ARAP1: variants seen among roughly 807,000 people sequenced by gnomAD.
ARAP1 encodes the protein ArfGAP with RhoGAP domain, ankyrin repeat and PH domain 1.
ARAP1 carries 76 observed loss-of-function variants against 172.2 expected under a neutral mutation model. The observed-to-expected ratio is 0.44, with a 90% CI of 0.37 to 0.53. The LOEUF is 0.53. Among genes scored for constraint, ARAP1 ranks in the 20% least tolerant of loss-of-function variants. The probability of loss-of-function intolerance (pLI) is 0.00; values close to 1 mark genes in which losing one functional copy is unlikely to be tolerated. For synonymous variants in ARAP1, 804 were observed against 803.3 expected (o/e 1.00, Z -0.01); for missense variants, 1,686 against 1,977.5 (o/e 0.85, Z 2.80).
Position 72,695,958 on chromosome 11 carries a change from G to T in ARAP1, c.3273-93C>A. ...TTTCTGACAGGTCCAAGACTGGTCTGGTCAGAGGGGACCACTGTTTAACAG... is the reference window on the plus strand; with the variant it reads ...TTTCTGACAGGTCCAAGACTGGTCTTGTCAGAGGGGACCACTGTTTAACAG... On this transcript the variant is annotated intron_variant, in intron 23 of 34. Coordinates refer to ENST00000393609, the MANE Select transcript of ARAP1 (RefSeq NM_001040118.3). This position sits in a 1 kb window ranked among gnomAD's most constrained non-coding sequence, Gnocchi z 4.4. The T allele has an allele frequency of 7.0e-7, 1 of 1,429,276 alleles. No homozygotes were observed. Among genetic ancestry groups the T allele is most frequent in the South Asian group, 1.4e-5 (1 of 70,994 alleles). The allele number at this position is 1,429,276 out of a possible 1,614,324, so 88.5% of individuals were successfully genotyped here. A position where few individuals can be genotyped will look rare whatever the true frequency, so the allele number is the denominator to read the frequency against.
chr11:72,709,796 C>T (rs1856927719), intron 11 of ARAP1, 74 bp downstream of exon 11: 2 of 1,517,666 alleles, frequency 1.3e-6, no homozygotes, highest in Non-Finnish European at 1.8e-6. Flanking sequence ...GAAGGGGCAG[C>T]TTCCCACGTC....
chr11:72,729,443 A>G (rs1029777699), intron 2 of ARAP1, among the ~76,000 whole-genome samples: 2 of 152,136 alleles, frequency 1.3e-5, no homozygotes, highest in African/African-American at 4.8e-5. Context: ...AATACAAAAA[A>G]TTAGCCGGGC....
intron 1 of ARAP1, among the ~76,000 whole-genome samples, chr11:72,745,762 C>A (rs1858347550): frequency 6.6e-6 from 1 of 152,098 alleles, no homozygotes; most frequent in East Asian, 1.9e-4. Context: ...GGACCAGGGG[C>A]CACACCTGGA....
Position 72,699,633 on chromosome 11 carries a change from G to T in ARAP1, c.2303-81C>A. ...ACCTCTGCATCCTCCCGGGGCTCCT[G>T]CTCCCATCTGACCCATGAGCTCTTC... is the stretch of plus-strand genomic sequence containing the variant. On this transcript the variant is annotated intron_variant, in intron 16 of 34. Coordinates refer to ENST00000393609, the MANE Select transcript of ARAP1 (RefSeq NM_001040118.3). This position sits in a 1 kb window ranked among gnomAD's most constrained non-coding sequence, Gnocchi z 4.2. The T allele has an allele frequency of 6.6e-7, 1 of 1,519,532 alleles. No individual in the cohort carries two copies. Among genetic ancestry groups the T allele is most frequent in the South Asian group, 1.2e-5 (1 of 81,394 alleles). 94.1% of individuals were successfully genotyped at this position (1,519,532 alleles called of 1,614,324 possible). A position where few individuals can be genotyped will look rare whatever the true frequency, so the allele number is the denominator to read the frequency against.
At chr11:72,730,212 AT>A (rs1239471018) in intron 2 of ARAP1, among the ~76,000 whole-genome samples, 2 of 152,250 alleles carry the variant, frequency 1.3e-5, no homozygotes, top group Non-Finnish European at 2.9e-5. Flanking sequence ...GAATGAAAAA[AT>A]TTACAAAAAG....
chr11:72,713,280 G>C (rs1203846793), intron 4 of ARAP1, 37 bp from the exon 5 acceptor site: 3 of 1,596,572 alleles, frequency 1.9e-6, no homozygotes, highest in Admixed American at 1.7e-5. Context: ...CAGGGCAAGG[G>C]GCCTGGCCTC....
In ARAP1 at chr11:72,712,468, T is replaced by TCATCCC. The variant is rs1384622740; in HGVS notation, c.847_848insGGGATG (p.Glu282_Glu283insGlyAsp). On this transcript the variant is annotated inframe_insertion, in exon 6 of 35. Coordinates refer to ENST00000393609, the MANE Select transcript of ARAP1 (RefSeq NM_001040118.3). Reference sequence around the variant, plus strand: ...GACGCCCTCATAGGCGTGGTCATCCTCTTCCTCATCCCCTTGGTCGTCCCC... The same window carrying TCATCCC: ...GACGCCCTCATAGGCGTGGTCATCCTCATCCCCTTCCTCATCCCCTTGGTCGTCCCC... The TCATCCC allele has an allele frequency of 3.1e-6, 5 of 1,604,176 alleles. No homozygotes were observed. Among genetic ancestry groups the TCATCCC allele is most frequent in the Non-Finnish European group, 3.4e-6 (4 of 1,172,800 alleles).
At chr11:72,687,045 G>A (rs933294071) in intron 33 of ARAP1, among the ~76,000 whole-genome samples, 6 of 152,214 alleles carry the variant, frequency 3.9e-5, no homozygotes, top group South Asian at 2.1e-4. Flanking sequence ...TGCCTAAACC[G>A]TTCCCTCTGC....
Position 72,695,517 on chromosome 11 carries a change from C to T in ARAP1, c.3507+25G>A, listed in dbSNP as rs1180689757. On this transcript the variant is annotated intron_variant, in intron 25 of 34. Transcript: ENST00000393609. This position sits in a 1 kb window ranked among gnomAD's most constrained non-coding sequence, Gnocchi z 4.4. ...ATGGGTGCAGGTGGCAGGTCCAAGC[C>T]CCCCACCCAGGCTCCAGCCTTCACC... is the stretch of plus-strand genomic sequence containing the variant. 1 of 1,614,022 alleles carries T rather than the reference C, an allele frequency of 6.2e-7. No homozygotes were observed. The highest frequency in any genetic ancestry group is 8.5e-7 in the Non-Finnish European group (1 of 1,180,044).
At chr11:72,714,605 C>A (rs974498874) in intron 3 of ARAP1, among the ~76,000 whole-genome samples, 1 of 152,134 alleles carries the variant, frequency 6.6e-6, no homozygotes, top group Non-Finnish European at 1.5e-5. Context: ...GGTCTCCACA[C>A]TGAAGGAGGG....
In ARAP1 at chr11:72,712,711, C is replaced by A. The variant is rs774977406; in HGVS notation, c.748-143G>T. 4.0e-5 allele frequency: 55 copies of A among 1,380,548 alleles called. No homozygotes were observed. The Admixed American group carries it at 4.9e-4, about 12-fold the overall frequency. The allele number at this position is 1,380,548 out of a possible 1,614,324, so 85.5% of individuals were successfully genotyped here. ...GTTCTGTTTCCTCACACTCCCCTCCCCCTGCCAGCGGAGACCACACAGAGA... is the reference window on the plus strand; with the variant it reads ...GTTCTGTTTCCTCACACTCCCCTCCACCTGCCAGCGGAGACCACACAGAGA... On this transcript the variant is annotated intron_variant, in intron 5 of 34. Coordinates refer to ENST00000393609, the MANE Select transcript of ARAP1 (RefSeq NM_001040118.3).
chr11:72,751,255 C>G (rs1449758725), intron 1 of ARAP1, among the ~76,000 whole-genome samples: 2 of 152,168 alleles, frequency 1.3e-5, no homozygotes, highest in Non-Finnish European at 2.9e-5. Context: ...CTCTACACCT[C>G]TGCCAGCCAC....
At chr11:72,724,002 G>C (rs1043056834) in intron 3 of ARAP1, among the ~76,000 whole-genome samples, 1 of 152,082 alleles carries the variant, frequency 6.6e-6, no homozygotes, top group Non-Finnish European at 1.5e-5. Flanking sequence ...ACACTGTTGG[G>C]GTCTCCACCA....
At chr11:72,742,310 T>G (rs1229543213) in intron 1 of ARAP1, among the ~76,000 whole-genome samples, 1 of 152,126 alleles carries the variant, frequency 6.6e-6, no homozygotes, top group Non-Finnish European at 1.5e-5. Flanking sequence ...ATGCAGTGCT[T>G]ACCGTCTACC....
intron 2 of ARAP1, among the ~76,000 whole-genome samples, chr11:72,729,503 T>C (rs1265913637): frequency 6.6e-6 from 1 of 151,942 alleles, no homozygotes; most frequent in South Asian, 2.1e-4. Flanking sequence ...TAAGGCAGAA[T>C]TGCTTGAACC....
rs1858201082 is a variant in ARAP1, at chr11:72,741,614, G to A, written c.-127-9017C>T. ...CTCCTGTGACCACTGCCCCCAGCGG[G>A]AGCAGGAGGGGGACTCCGAACACCA... is the stretch of plus-strand genomic sequence containing the variant. On this transcript the variant is annotated intron_variant, in intron 1 of 34. Coordinates refer to ENST00000393609, the MANE Select transcript of ARAP1 (RefSeq NM_001040118.3). This position sits in a 1 kb window ranked among gnomAD's most constrained non-coding sequence, Gnocchi z 4.5. Among the ~76,000 whole-genome samples, 1 of 152,194 alleles carries A rather than the reference G, an allele frequency of 6.6e-6. No individual in the cohort carries two copies. Among genetic ancestry groups the A allele is most frequent in the African/African-American group, 2.4e-5 (1 of 41,436 alleles).
intron 1 of ARAP1, among the ~76,000 whole-genome samples, chr11:72,748,006 A>G (rs1013938946): frequency 3.3e-5 from 5 of 152,238 alleles, no homozygotes; most frequent in African/African-American, 1.2e-4. Flanking sequence ...AGCAATGGAA[A>G]TGTAGATTCC....
intron 2 of ARAP1, among the ~76,000 whole-genome samples, chr11:72,731,751 A>T (rs1201442553): frequency 2.6e-5 from 4 of 152,118 alleles, no homozygotes; most frequent in Non-Finnish European, 5.9e-5. Context: ...TGCACCTCAA[A>T]CTCCAGCTTC....
rs56115201 is a variant in ARAP1, at chr11:72,715,570, C to CTTT, written c.510-1252_510-1250dup. ...GGAATATCCACTAGTTTTTTAACTT[C>CTTT]TTTTTTTTTTTTTTTTTTAAGAGAC... is the stretch of plus-strand genomic sequence containing the variant. On this transcript the variant is annotated intron_variant, in intron 3 of 34. Coordinates refer to ENST00000393609, the MANE Select transcript of ARAP1 (RefSeq NM_001040118.3). Among the ~76,000 whole-genome samples, 73 of 135,816 alleles carry CTTT rather than the reference C, an allele frequency of 5.4e-4. 1 individual carries two copies. Among genetic ancestry groups the CTTT allele is most frequent in the Middle Eastern group, 3.9e-3 (1 of 256 alleles). 89.1% of individuals were successfully genotyped at this position (135,816 alleles called of 152,430 possible). A position where few individuals can be genotyped will look rare whatever the true frequency, so the allele number is the denominator to read the frequency against.
Sources: gnomAD v4.1 joint callset for allele counts (sites outside exome capture counted in the v4.1 genomes callset) on GRCh38, gnomAD v4.1.1 for gene constraint, Gnocchi (gnomAD v3.1) non-coding constraint, MANE v1.5 for transcripts, NCBI Gene and HGNC (gene_info 2026-07-23, HGNC 2026-07-21) for gene names.